Variants in BANK1 observed in about 807,000 individuals in gnomAD.
The protein encoded by BANK1 is B-cell scaffold protein with ankyrin repeats.
In BANK1, 95 loss-of-function variants were observed where a neutral mutation model predicts 94.5. The observed-to-expected ratio is 1.00, with a 90% CI of 0.85 to 1.19. BANK1 has a LOEUF of 1.19. Among genes scored for constraint, BANK1 ranks in the 50% most tolerant of loss-of-function variants. The pLI is 0.00. For synonymous variants in BANK1, 334 were observed against 308.4 expected, an observed-to-expected ratio of 1.08 and a Z score of -0.87; for missense variants, 987 against 932.2, an observed-to-expected ratio of 1.06 and a Z score of -0.77.
intron 1 of BANK1, among the ~76,000 whole-genome samples, chr4:101,806,772 T>G (rs1469025063): frequency 6.6e-6 from 1 of 152,186 alleles, no homozygotes; most frequent in Non-Finnish European, 1.5e-5. Flanking sequence ...CCCCATAATC[T>G]TATGCAGGGA....
chr4:102,072,972 A>G (rs537136283), intron 15 of BANK1, among the ~76,000 whole-genome samples: 2 of 152,084 alleles, frequency 1.3e-5, no homozygotes, highest in Non-Finnish European at 2.9e-5. Context: ...AACTATCTGC[A>G]TATATAATGT....
chr4:102,051,609 T>TGTC (rs1728048762), intron 11 of BANK1, among the ~76,000 whole-genome samples: 2 of 152,274 alleles, frequency 1.3e-5, no homozygotes, highest in South Asian at 4.1e-4. Flanking sequence ...CTACCCCTAC[T>TGTC]GTCTATGAAA....
At chr4:101,836,934 C>G (rs1726852388) in intron 2 of BANK1, among the ~76,000 whole-genome samples, 1 of 152,102 alleles carries the variant, frequency 6.6e-6, no homozygotes, top group African/African-American at 2.4e-5. Context: ...ATCTCCGTGC[C>G]CATTTCTCAT....
At chr4:101,997,567 G>A (rs6817137) in intron 7 of BANK1, among the ~76,000 whole-genome samples, 5,544 of 151,690 alleles carry the variant, frequency 0.037, 337 homozygotes, top group African/African-American at 0.13. Flanking sequence ...TTTTTTTATT[G>A]TTAGGCTATT....
intron 10 of BANK1, 127 bp downstream of exon 10, chr4:102,030,392 C>A: frequency 3.3e-6 from 3 of 917,022 alleles, no homozygotes; most frequent in Non-Finnish European, 4.8e-6. Context: ...TTTTTCAAGT[C>A]ACAGCTAAGC....
intron 5 of BANK1, among the ~76,000 whole-genome samples, chr4:101,883,013 T>C (rs1728733573): frequency 6.6e-6 from 1 of 152,184 alleles, no homozygotes. Context: ...AATTTGGTGA[T>C]TTACTTCTGG....
chr4:101,907,530 A>G (rs1353138494), intron 6 of BANK1, among the ~76,000 whole-genome samples: 2 of 152,240 alleles, frequency 1.3e-5, no homozygotes, highest in Non-Finnish European at 2.9e-5. Flanking sequence ...CTCCTATTCA[A>G]CATAGTGTTG....
chr4:102,024,461 C>T (rs944648369), intron 8 of BANK1, among the ~76,000 whole-genome samples: 3 of 151,572 alleles, frequency 2.0e-5, no homozygotes, highest in Non-Finnish European at 4.4e-5. Flanking sequence ...CTGCTTTCTT[C>T]CTGAGTGTTT....
At chr4:102,017,430 T>C (rs1365817362) in intron 7 of BANK1, among the ~76,000 whole-genome samples, 1 of 152,142 alleles carries the variant, frequency 6.6e-6, no homozygotes, top group Non-Finnish European at 1.5e-5. Context: ...TGGGCAAAGA[T>C]TAAGGCCAAG....
intron 6 of BANK1, among the ~76,000 whole-genome samples, chr4:101,903,049 C>A (rs1722333901): frequency 6.6e-6 from 1 of 152,110 alleles, no homozygotes; most frequent in South Asian, 2.1e-4. Context: ...AAGTGAATAC[C>A]TTAATTACAG....
At chr4:101,840,231 G>A (rs1287322470) in intron 2 of BANK1, among the ~76,000 whole-genome samples, 2 of 151,754 alleles carry the variant, frequency 1.3e-5, no homozygotes, top group Non-Finnish European at 2.9e-5. Flanking sequence ...GCCTCCCGAA[G>A]TGCTGGCATC....
chr4:101,826,137 CT>C (rs1188503936), intron 1 of BANK1, among the ~76,000 whole-genome samples: 1 of 152,036 alleles, frequency 6.6e-6, no homozygotes, highest in Non-Finnish European at 1.5e-5. Flanking sequence ...TCTGTTTCCT[CT>C]TTCTCCTTGG....
At chr4:102,028,965 A>G (rs1292710132) in intron 9 of BANK1, among the ~76,000 whole-genome samples, 5 of 151,384 alleles carry the variant, frequency 3.3e-5, no homozygotes, top group African/African-American at 1.2e-4. Context: ...CCCAGTCTGG[A>G]GTGCAATGGC....
intron 12 of BANK1, chr4:102,062,871 TGAC>T (rs1728464127): frequency 3.9e-6 from 2 of 516,792 alleles, no homozygotes. Context: ...CAACATGGAA[TGAC>T]GACATTTTAC....
chr4:101,943,986 G>A (rs147795084), intron 7 of BANK1, among the ~76,000 whole-genome samples: 64 of 151,500 alleles, frequency 4.2e-4, no homozygotes, highest in Middle Eastern at 3.4e-3. Flanking sequence ...AATAGTGCCT[G>A]GTATTTGTAG....
rs558436046 is a variant in BANK1, at chr4:101,866,208, A to G, written c.763+3544A>G. 2.6e-4 allele frequency among the ~76,000 whole-genome samples: 39 copies of G among 152,322 alleles called. No individual in the cohort carries two copies. The South Asian group carries it at 7.2e-3, about 28-fold the overall frequency. On this transcript the variant is annotated intron_variant, in intron 4 of 16. Transcript: ENST00000322953. Reference sequence around the variant, plus strand: ...AATCAAAACCACCGTATCAAAAATTAAAAAATAACTTTAATAGGTTTACTA... The same window carrying G: ...AATCAAAACCACCGTATCAAAAATTGAAAAATAACTTTAATAGGTTTACTA...
intron 7 of BANK1, among the ~76,000 whole-genome samples, chr4:101,957,138 T>C (rs1056769779): frequency 1.3e-5 from 2 of 152,180 alleles, no homozygotes; most frequent in African/African-American, 4.8e-5. Flanking sequence ...TCTCCTTTAG[T>C]TAACGCAAGA....
chr4:101,984,134 A>G (rs1378119088), intron 7 of BANK1, among the ~76,000 whole-genome samples: 5 of 152,044 alleles, frequency 3.3e-5, no homozygotes, highest in Non-Finnish European at 7.4e-5. Context: ...ATTAGTCACA[A>G]TTTTACTAAA....
intron 7 of BANK1, among the ~76,000 whole-genome samples, chr4:101,992,877 ACAATGGTGAAC>A (rs1002494413): frequency 4.6e-5 from 7 of 152,274 alleles, no homozygotes; most frequent in Admixed American, 2.6e-4. Flanking sequence ...CACCACCACC[ACAATGGTGAAC>A]CAACTATCTC....
Sources: gnomAD v4.1 joint callset for allele counts (sites outside exome capture counted in the v4.1 genomes callset) on GRCh38, gnomAD v4.1.1 for gene constraint, MANE v1.5 for transcripts, NCBI Gene and HGNC (gene_info 2026-07-23, HGNC 2026-07-21) for gene names.